USP24: variants seen among roughly 807,000 people sequenced by gnomAD.
USP24 encodes ubiquitin carboxyl-terminal hydrolase 24.
USP24 carries 97 observed loss-of-function variants against 361.6 expected under a neutral mutation model. The ratio of observed to expected loss-of-function variants is 0.27; its 90% CI spans 0.23 to 0.32. The LOEUF (loss-of-function observed/expected upper bound fraction) is 0.32, where lower values mean the gene tolerates loss of function less well. USP24 is among the 10% of genes least tolerant of loss of function. USP24 has a pLI of 1.00. For synonymous variants in USP24, 1,098 were observed against 1,124.6 expected (o/e 0.98, Z 0.47); for missense variants, 2,353 against 3,165.6 (o/e 0.74, Z 6.16).
intron 42 of USP24, 91 bp downstream of exon 42, chr1:55,103,785 G>T: frequency 2.2e-6 from 3 of 1,388,840 alleles, no homozygotes; most frequent in Non-Finnish European, 2.9e-6. Context: ...GACTTTCTTT[G>T]TGGTCAGCAG....
chr1:55,143,835 C>A (rs1342650342), intron 21 of USP24, among the ~76,000 whole-genome samples: 1 of 152,088 alleles, frequency 6.6e-6, no homozygotes, highest in Non-Finnish European at 1.5e-5. Context: ...CCCTGCTCTG[C>A]ATTCATGTGG....
chr1:55,205,928 G>A (rs1644691762), intron 1 of USP24, among the ~76,000 whole-genome samples: 1 of 152,108 alleles, frequency 6.6e-6, no homozygotes, highest in Non-Finnish European at 1.5e-5. Flanking sequence ...TCTTAAAGGA[G>A]TCAATGAATG....
At position 55,107,430 on chromosome 1, in the gene USP24, G is replaced by C; in HGVS notation, c.4571C>G (p.Thr1524Ser). The C allele has an allele frequency of 1.3e-6, 2 of 1,571,926 alleles. No individual in the cohort carries two copies. The change falls in exon 40 of 68, where the codon ACT becomes AGT. Residue 1524 changes from threonine (T) to serine (S), a missense_variant and splice_region_variant. Around this residue, in one of 8 missense-constraint regions of USP24, gnomAD observed 949 missense variants for 1,280.5 expected, o/e 0.74. Coordinates refer to ENST00000294383, the MANE Select transcript of USP24 (RefSeq NM_015306.3). ...GATCCTTAACTGCTCCATTTCTGAA[G>C]CTAAGAAGGAAAAAAAAAATCCATT... ...LRCQLLDDLTTSEMEQLRISP... is the reference protein window; with the variant it reads ...LRCQLLDDLTSSEMEQLRISP...
At chr1:55,203,073 A>C (rs1644617937) in intron 1 of USP24, among the ~76,000 whole-genome samples, 1 of 152,196 alleles carries the variant, frequency 6.6e-6, no homozygotes. Context: ...TTATACATTA[A>C]ACTTTATCAC....
At chr1:55,134,006 G>C (rs1182802989) in intron 30 of USP24, 64 bp downstream of exon 30, 1 of 1,365,766 alleles carries the variant, frequency 7.3e-7, no homozygotes, top group African/African-American at 1.4e-5. Context: ...TGTGATTTCA[G>C]GTTGTATTTT....
chr1:55,149,103 T>C (rs558129115), intron 16 of USP24, among the ~76,000 whole-genome samples: 67 of 152,328 alleles, frequency 4.4e-4, no homozygotes, highest in African/African-American at 1.5e-3. Context: ...AAGAGGTAAT[T>C]CTATTTTTAT....
At chr1:55,195,692 C>T (rs1205169306) in intron 1 of USP24, among the ~76,000 whole-genome samples, 1 of 152,054 alleles carries the variant, frequency 6.6e-6, no homozygotes, top group Non-Finnish European at 1.5e-5. Context: ...ATAAGGCAGT[C>T]ACAGAAAGAC....
At chr1:55,210,643 C>T (rs1428629181) in intron 1 of USP24, among the ~76,000 whole-genome samples, 1 of 152,104 alleles carries the variant, frequency 6.6e-6, no homozygotes, top group Non-Finnish European at 1.5e-5. Flanking sequence ...TAAGGAACTA[C>T]AAATTAATAT....
In USP24 at chr1:55,148,370, A is replaced by T. The variant is rs1025671736; in HGVS notation, c.1968+93T>A. ...GTGAATTACATCAATAAACATAAAGATAGTGACTATAAACTCAGCAATTTT... is the reference window on the plus strand; with the variant it reads ...GTGAATTACATCAATAAACATAAAGTTAGTGACTATAAACTCAGCAATTTT... On this transcript the variant is annotated intron_variant, in intron 17 of 67. Transcript: ENST00000294383. The T allele has an allele frequency of 4.4e-5, 38 of 865,906 alleles. 1 individual carries two copies. The highest frequency in any genetic ancestry group is 6.1e-5 in the Non-Finnish European group (34 of 560,020). 53.6% of individuals were successfully genotyped at this position (865,906 alleles called of 1,614,324 possible). A position where few individuals can be genotyped will look rare whatever the true frequency, so the allele number is the denominator to read the frequency against.
chr1:55,197,275 GTGC>G (rs934720144), intron 1 of USP24, among the ~76,000 whole-genome samples: 8 of 152,224 alleles, frequency 5.3e-5, no homozygotes, highest in South Asian at 2.1e-4. Context: ...TCTCTCTCCT[GTGC>G]TGCTTTTTTT....
At chr1:55,176,338 G>A (rs764389310) in intron 3 of USP24, 38 bp downstream of exon 3, 9 of 1,484,604 alleles carry the variant, frequency 6.1e-6, no homozygotes, top group East Asian at 2.5e-5. Flanking sequence ...CCCCCACCCC[G>A]ACACACACAA....
At chr1:55,157,454 A>G in intron 10 of USP24, 84 bp from the exon 11 acceptor site, 1 of 801,894 alleles carries the variant, frequency 1.2e-6, no homozygotes, top group Non-Finnish European at 1.9e-6. Flanking sequence ...TTACAATGTT[A>G]CAATGTGCTT....
intron 16 of USP24, among the ~76,000 whole-genome samples, chr1:55,153,601 A>C (rs960559554): frequency 5.3e-5 from 8 of 152,322 alleles, no homozygotes; most frequent in Middle Eastern, 3.4e-3. Flanking sequence ...TTTAAAAAGA[A>C]AAACTAAGTT....
intron 5 of USP24, among the ~76,000 whole-genome samples, chr1:55,168,314 T>C (rs956519086): frequency 5.3e-5 from 8 of 152,090 alleles, no homozygotes; most frequent in African/African-American, 1.9e-4. Flanking sequence ...CCTGAAAAGT[T>C]AGTAGACTTC....
chr1:55,137,756 A>G (rs1646778747), intron 27 of USP24, 50 bp downstream of exon 27: 1 of 1,546,286 alleles, frequency 6.5e-7, no homozygotes, highest in East Asian at 2.4e-5. Context: ...CAGGCTAAAT[A>G]TTTATATTAT....
intron 38 of USP24, 103 bp downstream of exon 38, chr1:55,120,493 C>G: frequency 1.5e-6 from 2 of 1,302,094 alleles, no homozygotes; most frequent in Non-Finnish European, 1.0e-6. Flanking sequence ...GAAAGAAATT[C>G]TAGTCATCTC....
At chr1:55,187,283 A>G (rs1484865978) in intron 1 of USP24, among the ~76,000 whole-genome samples, 2 of 152,224 alleles carry the variant, frequency 1.3e-5, no homozygotes, top group African/African-American at 4.8e-5. Flanking sequence ...CTAGAAATAA[A>G]GGGGAACTTC....
intron 38 of USP24, among the ~76,000 whole-genome samples, chr1:55,117,711 C>T (rs1202745741): frequency 1.4e-5 from 2 of 140,964 alleles, no homozygotes; most frequent in Non-Finnish European, 1.5e-5. Context: ...AGTCCGCAGT[C>T]CGGCCTGGGC....
At chr1:55,079,423 A>T in intron 60 of USP24, 115 bp downstream of exon 60, 1 of 1,369,870 alleles carries the variant, frequency 7.3e-7, no homozygotes, top group Non-Finnish European at 9.8e-7. Context: ...AAGAAAACTT[A>T]ATTTGAAAGA....
Sources: gnomAD v4.1 joint callset for allele counts (sites outside exome capture counted in the v4.1 genomes callset) on GRCh38, gnomAD v4.1.1 for gene constraint, gnomAD v4.1.1 regional missense constraint, MANE v1.5 for transcripts, NCBI Gene and HGNC (gene_info 2026-07-23, HGNC 2026-07-21) for gene names.